Variants in PDE4D observed in about 807,000 individuals in gnomAD.
PDE4D encodes 3',5'-cyclic-AMP phosphodiesterase 4D.
PDE4D carries 24 observed loss-of-function variants against 87.4 expected under a neutral mutation model. The ratio of observed to expected loss-of-function variants is 0.27; its 90% confidence interval spans 0.20 to 0.39. The LOEUF is 0.39. Ranked by LOEUF, PDE4D falls within the 10% of genes least tolerant of loss-of-function variation. PDE4D has a pLI of 1.00. For missense variants in PDE4D, 714 were observed against 1,041.0 expected, an observed-to-expected ratio of 0.69 and a Z score of 4.32; for synonymous variants, 384 against 383.2, an observed-to-expected ratio of 1.00 and a Z score of -0.02.
At chr5:59,811,934 A>G (rs1055166539) in intron 1 of PDE4D, among the ~76,000 whole-genome samples, 1 of 152,240 alleles carries the variant, frequency 6.6e-6, no homozygotes, top group African/African-American at 2.4e-5. Flanking sequence ...TTGACTGTGA[A>G]GAATTTTAAG....
At chr5:60,050,948 T>C (rs940640246) in intron 2 of PDE4D, among the ~76,000 whole-genome samples, 3 of 152,152 alleles carry the variant, frequency 2.0e-5, no homozygotes, top group African/African-American at 7.2e-5. Context: ...AAGAAGGGCA[T>C]TACATAATGG....
chr5:59,238,262 A>C (rs1261012523), intron 1 of PDE4D, among the ~76,000 whole-genome samples: 2 of 152,204 alleles, frequency 1.3e-5, no homozygotes, highest in Non-Finnish European at 2.9e-5. Context: ...AATAATAGGC[A>C]TGGTTAGCAC....
At chr5:60,302,454 A>T (rs993863056) in intron 1 of PDE4D, among the ~76,000 whole-genome samples, 1 of 152,186 alleles carries the variant, frequency 6.6e-6, no homozygotes, top group African/African-American at 2.4e-5. Flanking sequence ...ATATATATAC[A>T]TAGAGGTGTT....
At chr5:60,441,849 T>C (rs753617652) in intron 1 of PDE4D, among the ~76,000 whole-genome samples, 2 of 151,902 alleles carry the variant, frequency 1.3e-5, no homozygotes, top group African/African-American at 2.4e-5. Context: ...AAGCTCATCA[T>C]CACTGGTCAT....
chr5:59,688,316 G>A (rs1182570699), intron 1 of PDE4D, among the ~76,000 whole-genome samples: 2 of 152,136 alleles, frequency 1.3e-5, no homozygotes, highest in Non-Finnish European at 2.9e-5. Context: ...CATATAGTTG[G>A]AAGTAAAGCA....
At chr5:60,036,609 A>T (rs1191246897) in intron 2 of PDE4D, among the ~76,000 whole-genome samples, 1 of 152,242 alleles carries the variant, frequency 6.6e-6, no homozygotes, top group Non-Finnish European at 1.5e-5. Context: ...GGGAATTCAC[A>T]AAGTTCACAG....
chr5:59,439,592 C>A (rs1582611380), intron 1 of PDE4D, among the ~76,000 whole-genome samples: 1 of 152,132 alleles, frequency 6.6e-6, no homozygotes, highest in Admixed American at 6.5e-5. Context: ...AATATTCCTG[C>A]CTTTATGGAG....
chr5:59,243,053 A>G (rs1396514534), intron 1 of PDE4D, among the ~76,000 whole-genome samples: 1 of 152,198 alleles, frequency 6.6e-6, no homozygotes, highest in East Asian at 1.9e-4. Context: ...TTGGAGAACC[A>G]GTGTCTGAGC....
chr5:59,228,530 A>C (rs1377721231), intron 1 of PDE4D, among the ~76,000 whole-genome samples: 1 of 152,068 alleles, frequency 6.6e-6, no homozygotes, highest in Non-Finnish European at 1.5e-5. Context: ...GACATAGAGC[A>C]AGTAAAATTG....
At chr5:59,034,645 T>C (rs1039580609) in intron 6 of PDE4D, among the ~76,000 whole-genome samples, 9 of 152,190 alleles carry the variant, frequency 5.9e-5, no homozygotes, top group Admixed American at 5.2e-4. Flanking sequence ...ATTTAATTTA[T>C]AGGCAACAGA....
At chr5:60,504,921 C>T (rs148440592) in intron 1 of PDE4D, among the ~76,000 whole-genome samples, 4 of 152,250 alleles carry the variant, frequency 2.6e-5, no homozygotes, top group African/African-American at 9.6e-5. Context: ...CCAACAAAAG[C>T]ATAAAATGCC....
intron 1 of PDE4D, among the ~76,000 whole-genome samples, chr5:60,318,427 A>C (rs192953160): frequency 6.6e-6 from 1 of 151,782 alleles, no homozygotes; most frequent in Admixed American, 6.6e-5. Flanking sequence ...ATGGGTCTTG[A>C]CTCTTTATCC....
chr5:60,301,357 G>T (rs1562302069), intron 1 of PDE4D, among the ~76,000 whole-genome samples: 1 of 152,210 alleles, frequency 6.6e-6, no homozygotes, highest in East Asian at 1.9e-4. Context: ...ATGAAATGTT[G>T]TTCCATTCGT....
chr5:60,339,792 G>A (rs1157279315), intron 1 of PDE4D, among the ~76,000 whole-genome samples: 2 of 152,198 alleles, frequency 1.3e-5, no homozygotes, highest in African/African-American at 4.8e-5. Context: ...GCAGCCATGT[G>A]TCTTTCTATT....
intron 5 of PDE4D, among the ~76,000 whole-genome samples, chr5:59,114,950 G>T (rs924400817): frequency 6.6e-6 from 1 of 152,040 alleles, no homozygotes; most frequent in African/African-American, 2.4e-5. Flanking sequence ...AATCAATAGA[G>T]ATATGTGGTA....
chr5:60,399,165 A>T (rs1047002889), intron 1 of PDE4D, among the ~76,000 whole-genome samples: 1 of 152,152 alleles, frequency 6.6e-6, no homozygotes, highest in Non-Finnish European at 1.5e-5. Context: ...TCACTTCTCC[A>T]ATCCAATTTC....
intron 3 of PDE4D, among the ~76,000 whole-genome samples, chr5:59,916,687 G>C (rs1290481194): frequency 6.6e-6 from 1 of 152,142 alleles, no homozygotes; most frequent in African/African-American, 2.4e-5. Context: ...TTTTTTAAGA[G>C]ATGGTTCTAG....
intron 1 of PDE4D, among the ~76,000 whole-genome samples, chr5:60,376,343 CA>C (rs1318577485): frequency 1.3e-5 from 2 of 152,084 alleles, no homozygotes; most frequent in Non-Finnish European, 2.9e-5. Flanking sequence ...AGTAATGGCT[CA>C]GAGCTTCCCA....
At chr5:60,375,838 A>AGAC (rs1761387103) in intron 1 of PDE4D, among the ~76,000 whole-genome samples, 1 of 152,208 alleles carries the variant, frequency 6.6e-6, no homozygotes, top group South Asian at 2.1e-4. Flanking sequence ...CAAGAGATTG[A>AGAC]GACCATCCTG....
Sources: gnomAD v4.1 joint callset for allele counts (sites outside exome capture counted in the v4.1 genomes callset) on GRCh38, gnomAD v4.1.1 for gene constraint, MANE v1.5 for transcripts, NCBI Gene and HGNC (gene_info 2026-07-23, HGNC 2026-07-21) for gene names.